Variants in KCNMA1 observed in about 807,000 individuals in gnomAD.
KCNMA1 encodes Calcium-activated potassium channel subunit alpha-1.
In KCNMA1, 29 loss-of-function variants were observed where a neutral mutation model predicts 140.0. The ratio of observed to expected loss-of-function variants is 0.21; its 90% confidence interval spans 0.15 to 0.28. KCNMA1 has a LOEUF of 0.28. Ranked by LOEUF, KCNMA1 falls within the 10% of genes least tolerant of loss-of-function variation. The pLI, the probability that KCNMA1 is intolerant of heterozygous loss-of-function variation, is 1.00. For synonymous variants in KCNMA1, 612 were observed against 611.9 expected (o/e 1.00, Z 0.00); for missense variants, 880 against 1,602.2 (o/e 0.55, Z 7.70).
At chr10:76,920,980 C>T (rs571723373) in intron 23 of KCNMA1, among the ~76,000 whole-genome samples, 92 of 152,328 alleles carry the variant, frequency 6.0e-4, no homozygotes, top group Non-Finnish European at 7.5e-4. Flanking sequence ...GGGGGAAACA[C>T]AAAGTACTTT....
At chr10:77,201,761 T>A (rs1248564531) in intron 3 of KCNMA1, among the ~76,000 whole-genome samples, 3 of 152,088 alleles carry the variant, frequency 2.0e-5, no homozygotes, top group African/African-American at 7.2e-5. Flanking sequence ...AAGAGTTCTG[T>A]ATACTGACTG....
At chr10:77,077,916 C>T (rs61866974) in intron 13 of KCNMA1, 12,408 of 152,292 alleles carry the variant, frequency 0.081, 647 homozygotes, top group Non-Finnish European at 0.12. Flanking sequence ...CCACCAAATC[C>T]GTTGGCTGGA....
At chr10:77,580,354 C>A (rs1357835997) in intron 1 of KCNMA1, among the ~76,000 whole-genome samples, 2 of 146,042 alleles carry the variant, frequency 1.4e-5, no homozygotes, top group African/African-American at 5.2e-5. Context: ...GCACTCCAGC[C>A]TGGACAACAG....
At chr10:77,473,253 C>T (rs1054788046) in intron 1 of KCNMA1, among the ~76,000 whole-genome samples, 3 of 152,240 alleles carry the variant, frequency 2.0e-5, no homozygotes, top group Non-Finnish European at 2.9e-5. Context: ...CCCAGAATTA[C>T]AGCTATCCCC....
chr10:77,579,102 T>C (rs7909099), intron 1 of KCNMA1, among the ~76,000 whole-genome samples: 2,733 of 152,182 alleles, frequency 0.018, 83 homozygotes, highest in African/African-American at 0.054. Flanking sequence ...TCAGGAAGCC[T>C]TCTTGGAGAA....
At chr10:77,195,423 A>T (rs1171124485) in intron 3 of KCNMA1, among the ~76,000 whole-genome samples, 1 of 152,142 alleles carries the variant, frequency 6.6e-6, no homozygotes, top group Non-Finnish European at 1.5e-5. Flanking sequence ...CCTTTAAAAC[A>T]AACTGTCATC....
chr10:77,608,400 C>G (rs1394047561), intron 1 of KCNMA1, among the ~76,000 whole-genome samples: 1 of 152,086 alleles, frequency 6.6e-6, no homozygotes, highest in Admixed American at 6.6e-5. Flanking sequence ...TCTCAAACTC[C>G]TGGGCTCAAG....
At chr10:77,208,609 T>A (rs1163513149) in intron 3 of KCNMA1, among the ~76,000 whole-genome samples, 2 of 152,382 alleles carry the variant, frequency 1.3e-5, no homozygotes, top group East Asian at 3.9e-4. Context: ...GATGAATATG[T>A]CTAGATTAAA....
At position 77,148,029 on chromosome 10, in the gene KCNMA1, C is replaced by T. The variant is rs1053751770; in HGVS notation, c.809-26981G>A. Among the ~76,000 whole-genome samples, 6 of 152,038 alleles carry T rather than the reference C, an allele frequency of 3.9e-5. No individual in the cohort carries two copies. In the South Asian group the frequency reaches 1.2e-3, roughly 32 times the overall value. On this transcript the variant is annotated intron_variant, in intron 5 of 27. Transcript: ENST00000286628. The stretch of plus-strand genomic sequence containing the variant: ...TTCAGGCACAACATGTAAGGAGGTG[C>T]TCCTTTTGGGACTGACCCTGCCTTT...
chr10:77,488,165 G>A (rs901129804), intron 1 of KCNMA1, among the ~76,000 whole-genome samples: 1 of 152,204 alleles, frequency 6.6e-6, no homozygotes, highest in African/African-American at 2.4e-5. Context: ...GAGTCCCTAA[G>A]CAGTTACTCC....
intron 3 of KCNMA1, among the ~76,000 whole-genome samples, chr10:77,223,735 G>T (rs894889856): frequency 6.6e-6 from 1 of 152,126 alleles, no homozygotes; most frequent in Admixed American, 6.5e-5. Flanking sequence ...TACACCGCAC[G>T]GTTGCAGATA....
At chr10:77,411,301 T>G (rs2096613188) in intron 1 of KCNMA1, among the ~76,000 whole-genome samples, 1 of 150,410 alleles carries the variant, frequency 6.6e-6, no homozygotes, top group East Asian at 2.0e-4. Flanking sequence ...AAGGAAGGAG[T>G]GGGGGAAGGA....
intron 5 of KCNMA1, among the ~76,000 whole-genome samples, chr10:77,126,086 CTT>C (rs2097726212): frequency 6.6e-6 from 1 of 152,148 alleles, no homozygotes; most frequent in Admixed American, 6.5e-5. Flanking sequence ...AGGGGGAACT[CTT>C]TGGTGACAAT....
intron 1 of KCNMA1, chr10:77,634,392 G>C (rs963096914): frequency 4.4e-5 from 43 of 985,314 alleles, no homozygotes; most frequent in Non-Finnish European, 5.2e-5. Context: ...GTCATTCACT[G>C]TTTGAGATTC....
intron 2 of KCNMA1, among the ~76,000 whole-genome samples, chr10:77,324,873 T>A (rs1311344267): frequency 6.6e-6 from 1 of 151,906 alleles, no homozygotes; most frequent in Non-Finnish European, 1.5e-5. Flanking sequence ...GTTGGGATAC[T>A]ACAATTTTAA....
At chr10:77,151,708 A>G (rs899478467) in intron 5 of KCNMA1, among the ~76,000 whole-genome samples, 13 of 152,142 alleles carry the variant, frequency 8.5e-5, no homozygotes, top group African/African-American at 3.1e-4. Context: ...GAATGATCCC[A>G]CTCACACCAG....
At chr10:77,582,430 C>T (rs923474689) in intron 1 of KCNMA1, among the ~76,000 whole-genome samples, 2 of 152,136 alleles carry the variant, frequency 1.3e-5, no homozygotes, top group African/African-American at 4.8e-5. Flanking sequence ...TGCTTAGGGA[C>T]CTGAAGAAAT....
chr10:77,321,784 C>T (rs1034679792), intron 2 of KCNMA1, among the ~76,000 whole-genome samples: 1 of 152,060 alleles, frequency 6.6e-6, no homozygotes, highest in Non-Finnish European at 1.5e-5. Flanking sequence ...GTTCTTTCTG[C>T]TTCAGTAAAT....
intron 3 of KCNMA1, among the ~76,000 whole-genome samples, chr10:77,223,301 T>C (rs1170047302): frequency 6.6e-6 from 1 of 152,058 alleles, no homozygotes; most frequent in Non-Finnish European, 1.5e-5. Flanking sequence ...GACCATGTTG[T>C]GACACACAGT....
Sources: allele counts gnomAD v4.1 joint callset (sites outside exome capture counted in the v4.1 genomes callset), GRCh38; gene constraint gnomAD v4.1.1; transcripts MANE v1.5; gene names NCBI Gene and HGNC (gene_info 2026-07-23, HGNC 2026-07-21).